The following PLEKHA4 variants were observed in gnomAD, a reference collection of about 807,000 sequenced individuals.
PLEKHA4 encodes the protein pleckstrin homology domain containing A4.
Under a neutral mutation model 94.7 loss-of-function variants are expected in PLEKHA4, and 73 were observed. That is an observed-to-expected ratio of 0.77 (90% CI 0.64 to 0.94). PLEKHA4 has a LOEUF of 0.94. Ranked by LOEUF, PLEKHA4 falls within the 40% of genes least tolerant of loss-of-function variation. PLEKHA4 has a pLI of 0.00. For missense variants in PLEKHA4, 1,049 were observed against 1,054.1 expected, an observed-to-expected ratio of 1.00 and a Z score of 0.07; for synonymous variants, 449 against 437.1, an observed-to-expected ratio of 1.03 and a Z score of -0.34.
chr19:48,838,714 C>T (rs190319848), intron 18 of PLEKHA4, among the ~76,000 whole-genome samples: 2 of 148,430 alleles, frequency 1.3e-5, no homozygotes, highest in Admixed American at 1.4e-4. Flanking sequence ...TTGCAGTGAA[C>T]TGAGATCACG....
At position 48,859,459 on chromosome 19, in the gene PLEKHA4, C is replaced by T. The variant is rs2036552443; in HGVS notation, c.692+10G>A. ...TAGGCCACGCCCACAACCATGTCCT[C>T]CCTACTCACTCGGGGCTCCTCGCCC... On this transcript the variant is annotated intron_variant, in intron 7 of 19. Transcript: ENST00000263265. The T allele has an allele frequency of 6.2e-7, 1 of 1,613,318 alleles. No individual in the cohort carries two copies. The highest frequency in any genetic ancestry group is 1.3e-5 in the African/African-American group (1 of 74,904).
Position 48,837,195 on chromosome 19 carries a change from A to C in PLEKHA4, c.*94T>G. On this transcript the variant is annotated 3_prime_UTR_variant, in exon 20 of 20. Transcript: ENST00000263265. This position sits in a 1 kb window ranked among gnomAD's most constrained non-coding sequence, Gnocchi z 4.3. ...CTCCCGGGCCCGCAATGGGGACCAG[A>C]CCACGCCCCCTGATGCCCTGAGTGG... The C allele has an allele frequency of 6.3e-7, 1 of 1,579,268 alleles. No homozygotes were observed. The highest frequency in any genetic ancestry group is 8.7e-7 in the Non-Finnish European group (1 of 1,149,880).
intron 12 of PLEKHA4, among the ~76,000 whole-genome samples, chr19:48,853,175 T>TATTC (rs35413065): frequency 0.24 from 36,302 of 151,390 alleles, 7,097 homozygotes; most frequent in African/African-American, 0.54. Context: ...AAGTGTTAAA[T>TATTC]ATTCATTCAT....
chr19:48,857,724 G>A (rs374051161), intron 8 of PLEKHA4, among the ~76,000 whole-genome samples: 4 of 150,862 alleles, frequency 2.7e-5, no homozygotes, highest in East Asian at 1.9e-4. Flanking sequence ...CAGCATGCTC[G>A]TTAAGAGTCA....
At chr19:48,847,387 G>T (rs957046971) in intron 14 of PLEKHA4, among the ~76,000 whole-genome samples, 13 of 152,088 alleles carry the variant, frequency 8.5e-5, no homozygotes, top group South Asian at 2.1e-4. Context: ...AGTGAGCCAT[G>T]ATCACACCAC....
rs1329260852 is a variant in PLEKHA4, at chr19:48,837,641, G to A, written c.2078-90C>T. Reference sequence around the variant, plus strand: ...CCTCCTCCCTCAGACCCAGGACTCCGGATTCCCAGCCCCTCCTCCATCAGA... The same window carrying A: ...CCTCCTCCCTCAGACCCAGGACTCCAGATTCCCAGCCCCTCCTCCATCAGA... On this transcript the variant is annotated intron_variant, in intron 19 of 19. Transcript: ENST00000263265. This position sits in a 1 kb window ranked among gnomAD's most constrained non-coding sequence, Gnocchi z 4.3. The A allele has an allele frequency of 1.5e-5, 22 of 1,476,822 alleles. No individual in the cohort carries two copies. The Admixed American group carries it at 2.4e-4, about 16-fold the overall frequency. The allele number at this position is 1,476,822 out of a possible 1,614,324, so 91.5% of individuals were successfully genotyped here. A position where few individuals can be genotyped will look rare whatever the true frequency, so the allele number is the denominator to read the frequency against.
chr19:48,841,454 C>T, intron 16 of PLEKHA4, 144 bp from the exon 17 acceptor site: 2 of 839,200 alleles, frequency 2.4e-6, no homozygotes, highest in Admixed American at 6.5e-5. Flanking sequence ...TGGCGAAATA[C>T]CATCTCTACT....
chr19:48,840,539 C>A (rs1303559552), intron 17 of PLEKHA4, among the ~76,000 whole-genome samples: 1 of 151,488 alleles, frequency 6.6e-6, no homozygotes, highest in Non-Finnish European at 1.5e-5. Flanking sequence ...GATTCTCCTG[C>A]CTCAGCCTCC....
At chr19:48,858,203 A>C (rs2036497187) in intron 8 of PLEKHA4, among the ~76,000 whole-genome samples, 1 of 152,184 alleles carries the variant, frequency 6.6e-6, no homozygotes. Context: ...CCGTCCCATG[A>C]TGCTCAGACA....
At chr19:48,863,414 G>T (rs965195539) in intron 3 of PLEKHA4, among the ~76,000 whole-genome samples, 2 of 145,068 alleles carry the variant, frequency 1.4e-5, no homozygotes, top group African/African-American at 5.2e-5. Context: ...CCACCATGCA[G>T]GCTAATTTAG....
rs543903049 is a variant in PLEKHA4, at chr19:48,852,033, G to A, written c.1425+195C>T. On this transcript the variant is annotated intron_variant, in intron 13 of 19. Coordinates refer to ENST00000263265, the MANE Select transcript of PLEKHA4 (RefSeq NM_020904.3). ...ATTGAAGCTTAATTAAAATTTTAAT[G>A]AGAGAATTTAAAAAAAAACCCCAAA... Among the ~76,000 whole-genome samples the A allele has an allele frequency of 2.6e-4, 40 of 152,234 alleles. No homozygotes were observed. In the South Asian group the frequency reaches 7.1e-3, roughly 27 times the overall value.
chr19:48,858,006 G>A (rs1270155417), intron 8 of PLEKHA4, among the ~76,000 whole-genome samples: 1 of 151,970 alleles, frequency 6.6e-6, no homozygotes, highest in Non-Finnish European at 1.5e-5. Context: ...AGTGCTTTAG[G>A]AGATATTTTG....
chr19:48,847,809 G>A lies in PLEKHA4; in HGVS notation c.1566+91C>T, dbSNP rs867168394. On this transcript the variant is annotated intron_variant, in intron 14 of 19. Coordinates refer to ENST00000263265, the MANE Select transcript of PLEKHA4 (RefSeq NM_020904.3). The stretch of plus-strand genomic sequence containing the variant: ...TGTACCAGGTGGGTTAGCTGATCAA[G>A]GAAGAATTAAAGAGGTGGGTGGGGA... 4.9e-6 allele frequency: 7 copies of A among 1,414,802 alleles called. No homozygotes were observed. In the Middle Eastern group the frequency reaches 7.4e-4, roughly 149 times the overall value. The allele number at this position is 1,414,802 out of a possible 1,614,324, so 87.6% of individuals were successfully genotyped here. A position where few individuals can be genotyped will look rare whatever the true frequency, so the allele number is the denominator to read the frequency against.
intron 16 of PLEKHA4, among the ~76,000 whole-genome samples, chr19:48,841,629 T>A (rs935349523): frequency 1.5e-4 from 23 of 148,920 alleles, no homozygotes; most frequent in Non-Finnish European, 3.4e-4. Context: ...CTGTCTCAAA[T>A]ATATATATAT....
chr19:48,856,043 G>A (rs1599905762), intron 9 of PLEKHA4, among the ~76,000 whole-genome samples: 1 of 151,364 alleles, frequency 6.6e-6, no homozygotes. Context: ...GTGGTGGTGG[G>A]TGCCTGTAAT....
Position 48,858,873 on chromosome 19 carries a change from T to C in PLEKHA4, c.959A>G (p.Glu320Gly), listed in dbSNP as rs200380492. Reference protein sequence around the residue: ...PPRSPQHWSQEPRTQAHSGSP... With the variant: ...PPRSPQHWSQGPRTQAHSGSP... ...CTCTCTGCTCACCTGTGTTCTGGGC[T>C]CCTGACTCCAGTGCTGGGGACTCCT... The change falls in exon 8 of 20, where the codon GAG (glutamate) becomes GGG (glycine). Residue 320 changes from glutamate (E) to glycine (G), a missense_variant. By Grantham distance (98) the Glu-to-Gly change is moderately conservative. Coordinates refer to ENST00000263265, the MANE Select transcript of PLEKHA4 (RefSeq NM_020904.3). 2 of 1,612,652 alleles carry C rather than the reference T, an allele frequency of 1.2e-6. No homozygotes were observed. The highest frequency in any genetic ancestry group is 1.7e-6 in the Non-Finnish European group (2 of 1,179,570).
Position 48,837,927 on chromosome 19 carries a change from C to A in PLEKHA4, c.2077+90G>T. 8.9e-7 allele frequency: 1 copy of A among 1,119,490 alleles called. No homozygotes were observed. The highest frequency in any genetic ancestry group is 1.3e-6 in the Non-Finnish European group (1 of 758,900). 69.3% of individuals were successfully genotyped at this position (1,119,490 alleles called of 1,614,324 possible). A position where few individuals can be genotyped will look rare whatever the true frequency, so the allele number is the denominator to read the frequency against. ...CCAAGATAAAAAATTCTCACCGGCC[C>A]CCAGACCCCTCCTCTCCAGGACCTG... On this transcript the variant is annotated intron_variant, in intron 19 of 19. Transcript: ENST00000263265. The surrounding 1 kb of genome is among the most constrained non-coding windows in gnomAD (Gnocchi z 4.3).
intron 8 of PLEKHA4, among the ~76,000 whole-genome samples, chr19:48,858,627 C>CAGAAAAAAAAAAAAAAAAAAA (rs2036513763): frequency 1.6e-5 from 1 of 63,474 alleles, no homozygotes. Flanking sequence ...ACCTCAGTCT[C>CAGAAAAAAAAAAAAAAAAAAA]AAAAAAAAAA....
chr19:48,847,726 C>T (rs1443498027), intron 14 of PLEKHA4, among the ~76,000 whole-genome samples, 174 bp downstream of exon 14: 1 of 151,954 alleles, frequency 6.6e-6, no homozygotes, highest in Non-Finnish European at 1.5e-5. Flanking sequence ...AGTGAGACTA[C>T]GTCTCAAAAA....
Sources: gnomAD v4.1 joint callset for allele counts (sites outside exome capture counted in the v4.1 genomes callset) on GRCh38, gnomAD v4.1.1 for gene constraint, Gnocchi (gnomAD v3.1) non-coding constraint, MANE v1.5 for transcripts, NCBI Gene and HGNC (gene_info 2026-07-23, HGNC 2026-07-21) for gene names.